The following MDM2 variants were observed in gnomAD, a reference collection of about 807,000 sequenced individuals.
The protein encoded by MDM2 is MDM2 proto-oncogene, also known as E3 ubiquitin-protein ligase Mdm2.
A neutral mutation model predicts 64.3 loss-of-function variants in MDM2; 11 were observed. The ratio of observed to expected loss-of-function variants is 0.17; its 90% confidence interval spans 0.11 to 0.28. The LOEUF (loss-of-function observed/expected upper bound fraction) is 0.28. Ranked by LOEUF, MDM2 falls within the 10% of genes least tolerant of loss-of-function variation. MDM2 has a pLI of 1.00. For missense variants in MDM2, 388 were observed against 577.1 expected, an observed-to-expected ratio of 0.67 and a Z score of 3.36; for synonymous variants, 194 against 192.9, an observed-to-expected ratio of 1.01 and a Z score of -0.05.
intron 8 of MDM2, among the ~76,000 whole-genome samples, chr12:68,832,778 A>G (rs1274303992): frequency 2.0e-5 from 3 of 151,560 alleles, no homozygotes; most frequent in Non-Finnish European, 4.4e-5. Context: ...TTTGGCTCCC[A>G]GAGTATTGGG....
intron 3 of MDM2, 40 bp downstream of exon 3, chr12:68,813,668 C>T (rs762749628): frequency 2.8e-6 from 4 of 1,418,770 alleles, no homozygotes; most frequent in Non-Finnish European, 3.9e-6. Flanking sequence ...TCACTAGTTA[C>T]ATGTAGCCAT....
rs2136178369 is a variant in MDM2, at chr12:68,839,530, C to T, written c.1175C>T (p.Ser392Leu). 1.2e-6 allele frequency: 2 copies of T among 1,613,788 alleles called. No individual in the cohort carries two copies. The highest frequency in any genetic ancestry group is 1.7e-6 in the Non-Finnish European group (2 of 1,180,006). ...AATGATGATAAAATTACACAAGCTTCACAATCACAAGAAAGTGAAGACTAT... is the reference window on the plus strand; with the variant it reads ...AATGATGATAAAATTACACAAGCTTTACAATCACAAGAAAGTGAAGACTAT... ...EENDDKITQASQSQESEDYSQ... is the reference protein window; with the variant it reads ...EENDDKITQALQSQESEDYSQ... The change falls in exon 11 of 11, where the codon TCA becomes TTA. Residue 392 changes from serine to leucine, a missense_variant. Coordinates refer to ENST00000258149, the MANE Select transcript of MDM2 (RefSeq NM_002392.6).
At chr12:68,847,214 T>TATATATATATATATATATATA (rs1884378595), downstream of MDM2, 1 of 52,582 alleles carries the variant, frequency 1.9e-5, no homozygotes, top group Non-Finnish European at 3.9e-5. Flanking sequence ...ATATATATAC[T>TATATATATATATATATATATA]TTTTTTAGAG....
Position 68,842,448 on chromosome 12 carries a change from G to A in MDM2, c.*2599G>A, listed in dbSNP as rs1883854309. On this transcript the variant is annotated 3_prime_UTR_variant, in exon 11 of 11. Coordinates refer to ENST00000258149, the MANE Select transcript of MDM2 (RefSeq NM_002392.6). ...TTTGAAAATCTCCTTTGGAGACTTAGAACCTCTAAATTATTGACTTATTTT... is the reference window on the plus strand; with the variant it reads ...TTTGAAAATCTCCTTTGGAGACTTAAAACCTCTAAATTATTGACTTATTTT... The A allele has an allele frequency of 3.4e-5, 15 of 443,430 alleles. No individual in the cohort carries two copies. Among genetic ancestry groups the A allele is most frequent in the South Asian group, 2.6e-4 (15 of 57,748 alleles). 27.5% of individuals were successfully genotyped at this position (443,430 alleles called of 1,614,324 possible).
In MDM2 at chr12:68,836,263, C is replaced by A. The variant is rs3730640; in HGVS notation, c.840+279C>A. Reference sequence around the variant, plus strand: ...TCACTTTTAAAAACATATAATTCAACTACTGTTTTAATATTAACTTACTTT... The same window carrying A: ...TCACTTTTAAAAACATATAATTCAAATACTGTTTTAATATTAACTTACTTT... On this transcript the variant is annotated intron_variant, in intron 9 of 10. Transcript: ENST00000258149. Among the ~76,000 whole-genome samples the A allele has an allele frequency of 6.9e-3, 1,045 of 152,176 alleles. 14 individuals carry two copies. The highest frequency in any genetic ancestry group is 0.024 in the African/African-American group (1,006 of 41,514).
At chr12:68,820,525 C>T (rs1592578736) in intron 5 of MDM2, 151 bp downstream of exon 5, 10 of 640,722 alleles carry the variant, frequency 1.6e-5, no homozygotes, top group East Asian at 5.8e-5. Context: ...ATTAGAAGTA[C>T]ATATGAACTA....
chr12:68,827,883 C>A (rs548066631), intron 7 of MDM2, among the ~76,000 whole-genome samples: 84 of 152,270 alleles, frequency 5.5e-4, no homozygotes, highest in Non-Finnish European at 1.1e-3. Context: ...GTAATCCCAG[C>A]ACTTTGGGAG....
intron 8 of MDM2, among the ~76,000 whole-genome samples, chr12:68,832,260 T>C (rs1332232590): frequency 6.6e-6 from 1 of 152,294 alleles, no homozygotes; most frequent in East Asian, 1.9e-4. Flanking sequence ...CCATCTTTTC[T>C]TTCTTTGGGG....
At position 68,828,801 on chromosome 12, in the gene MDM2, G is replaced by A. The variant is rs576062594; in HGVS notation, c.554G>A (p.Arg185Gln). 1.5e-5 allele frequency: 25 copies of A among 1,613,672 alleles called. No homozygotes were observed. The Admixed American group carries it at 3.0e-4, about 19-fold the overall frequency. Residue 185 changes from arginine to glutamine, a missense_variant, in exon 8 of 11, where the codon CGA becomes CAA. Around this residue, in one of 5 missense-constraint regions of MDM2, gnomAD observed 168 missense variants for 236.6 expected, o/e 0.71. Coordinates refer to ENST00000258149, the MANE Select transcript of MDM2 (RefSeq NM_002392.6). The stretch of plus-strand genomic sequence containing the variant: ...AATTCAGATGAATTATCTGGTGAAC[G>A]ACAAAGAAAACGCCACAAATCTGAT... ...EENSDELSGERQRKRHKSDSI... is the reference protein window; with the variant it reads ...EENSDELSGEQQRKRHKSDSI...
At chr12:68,824,732 A>C (rs1340780511) in intron 7 of MDM2, 81 bp downstream of exon 7, 1 of 900,166 alleles carries the variant, frequency 1.1e-6, no homozygotes, top group Non-Finnish European at 1.7e-6. Context: ...TTTAGACTTA[A>C]TTAAATTGTT....
Position 68,843,678 on chromosome 12 carries a change from T to TG in MDM2, c.*3831dup, listed in dbSNP as rs1884004268. On this transcript the variant is annotated 3_prime_UTR_variant, in exon 11 of 11. Transcript: ENST00000258149. ...TAATTCTGCACAGCAACTTTACTAA[T>TG]GGTACATTGTTGCTTCAAAACTCTC... 3 of 220,644 alleles carry TG rather than the reference T, an allele frequency of 1.4e-5. No homozygotes were observed. The highest frequency in any genetic ancestry group is 2.7e-5 in the Non-Finnish European group (3 of 112,576). The allele number at this position is 220,644 out of a possible 1,614,324, so 13.7% of individuals were successfully genotyped here. A position where few individuals can be genotyped will look rare whatever the true frequency, so the allele number is the denominator to read the frequency against.
chr12:68,848,728 G>C (rs1041830593), downstream of MDM2: 4 of 151,630 alleles, frequency 2.6e-5, no homozygotes, highest in African/African-American at 4.8e-5. Context: ...TGTTTTTTTG[G>C]GGGGGACGAA....
intron 8 of MDM2, among the ~76,000 whole-genome samples, chr12:68,830,672 A>C (rs988041438): frequency 6.6e-6 from 1 of 152,180 alleles, no homozygotes; most frequent in Admixed American, 6.5e-5. Flanking sequence ...TATCCAACCT[A>C]CAAGTTTGGT....
At position 68,841,496 on chromosome 12, in the gene MDM2, T is replaced by C. The variant is rs1475876612; in HGVS notation, c.*1647T>C. On this transcript the variant is annotated 3_prime_UTR_variant, in exon 11 of 11. Transcript: ENST00000258149. ...TGTGAAAATAGCCACCATTTACCCG[T>C]AAGACAAAACTTGTTAAAGCCTCCT... 4.8e-6 allele frequency: 1 copy of C among 209,444 alleles called. No homozygotes were observed. The highest frequency in any genetic ancestry group is 2.3e-5 in the African/African-American group (1 of 43,960). The allele number at this position is 209,444 out of a possible 1,614,324, so 13.0% of individuals were successfully genotyped here.
intron 8 of MDM2, among the ~76,000 whole-genome samples, chr12:68,833,188 AAT>A (rs1451727740): frequency 7.7e-5 from 10 of 129,584 alleles, no homozygotes; most frequent in Non-Finnish European, 1.4e-4. Flanking sequence ...ATAATGTATA[AAT>A]ATATAATATA....
intron 4 of MDM2, among the ~76,000 whole-genome samples, chr12:68,818,327 C>G (rs1881558886): frequency 6.6e-6 from 1 of 151,362 alleles, no homozygotes; most frequent in South Asian, 2.1e-4. Flanking sequence ...TTTAAAACAA[C>G]CTTATTATTG....
chr12:68,827,473 A>G (rs1565740585), intron 7 of MDM2, among the ~76,000 whole-genome samples: 1 of 152,112 alleles, frequency 6.6e-6, no homozygotes, highest in Non-Finnish European at 1.5e-5. Context: ...TTTTTACTAT[A>G]TATGTTGCAG....
rs1251323670 is a variant in MDM2, at chr12:68,840,105, G to GT, written c.*256_*257insT. 2.5e-5 allele frequency: 10 copies of GT among 396,496 alleles called. No individual in the cohort carries two copies. The highest frequency in any genetic ancestry group is 8.4e-5 in the East Asian group (2 of 23,916). 24.6% of individuals were successfully genotyped at this position (396,496 alleles called of 1,614,324 possible). Reference sequence around the variant, plus strand: ...ACTCTGTCTTAAATGAGAAGTACTTGGTTTTTTTTTTTCTTAAATATGTAT... The same window carrying GT: ...ACTCTGTCTTAAATGAGAAGTACTTGTGTTTTTTTTTTTCTTAAATATGTAT... On this transcript the variant is annotated 3_prime_UTR_variant, in exon 11 of 11. Coordinates refer to ENST00000258149, the MANE Select transcript of MDM2 (RefSeq NM_002392.6).
intron 3 of MDM2, 42 bp downstream of exon 3, chr12:68,813,670 T>C: frequency 7.0e-7 from 1 of 1,432,962 alleles, no homozygotes; most frequent in Non-Finnish European, 9.7e-7. Flanking sequence ...ACTAGTTACA[T>C]GTAGCCATAC....
Sources: gnomAD v4.1 joint callset for allele counts (sites outside exome capture counted in the v4.1 genomes callset) on GRCh38, gnomAD v4.1.1 for gene constraint, gnomAD v4.1.1 regional missense constraint, MANE v1.5 for transcripts, NCBI Gene and HGNC (gene_info 2026-07-23, HGNC 2026-07-21) for gene names.